The following PDE6C variants were observed in gnomAD, a reference collection of about 807,000 sequenced individuals.
PDE6C encodes cone cGMP-specific 3',5'-cyclic phosphodiesterase subunit alpha'.
Under a neutral mutation model 113.1 loss-of-function variants are expected in PDE6C, and 75 were observed. The ratio of observed to expected loss-of-function variants is 0.66; its 90% CI spans 0.55 to 0.80. The LOEUF (loss-of-function observed/expected upper bound fraction) is 0.80. Ranked by LOEUF, PDE6C falls within the 30% of genes least tolerant of loss-of-function variation. The probability of loss-of-function intolerance (pLI) is 0.00; values close to 1 mark genes in which losing one functional copy is unlikely to be tolerated. For synonymous variants in PDE6C, 375 were observed against 363.7 expected (o/e 1.03, Z -0.35); for missense variants, 912 against 1,038.6 (o/e 0.88, Z 1.67).
chr10:93,658,005 C>CA (rs1352139436), intron 16 of PDE6C, among the ~76,000 whole-genome samples: 2 of 151,044 alleles, frequency 1.3e-5, no homozygotes, highest in Admixed American at 1.3e-4. Context: ...ACTGTCTCTA[C>CA]AAAAAAATTA....
intron 11 of PDE6C, among the ~76,000 whole-genome samples, chr10:93,638,826 G>A (rs2058545972): frequency 6.6e-6 from 1 of 152,218 alleles, no homozygotes; most frequent in African/African-American, 2.4e-5. Context: ...TTTTCTGGGT[G>A]TAGCAACAGT....
intron 6 of PDE6C, 22 bp from the exon 7 acceptor site, chr10:93,626,783 T>A: frequency 6.2e-7 from 1 of 1,613,578 alleles, no homozygotes; most frequent in Non-Finnish European, 8.5e-7. Flanking sequence ...TTGCAATGAT[T>A]TTTTTTCTTC....
intron 4 of PDE6C, among the ~76,000 whole-genome samples, chr10:93,622,638 GGTTTTTTTTTT>G (rs1348226098): frequency 1.3e-4 from 3 of 22,268 alleles, no homozygotes; most frequent in Admixed American, 7.6e-4. Flanking sequence ...GGTAGCCACA[GGTTTTTTTTTT>G]GTTTTTTTTT....
intron 15 of PDE6C, among the ~76,000 whole-genome samples, chr10:93,652,981 T>C (rs2058616330): frequency 6.6e-6 from 1 of 152,170 alleles, no homozygotes; most frequent in African/African-American, 2.4e-5. Flanking sequence ...TTTTCACACA[T>C]TCCTCCCCTC....
chr10:93,625,801 C>T (rs2058470709), intron 5 of PDE6C, 152 bp downstream of exon 5: 5 of 677,570 alleles, frequency 7.4e-6, no homozygotes, highest in Admixed American at 2.1e-5. Flanking sequence ...CCAGCTATGC[C>T]CCAAGCTAGA....
rs142126537 is a variant in PDE6C at position 93,636,333 on chromosome 10, T to C, written c.1414-662T>C. Among the ~76,000 whole-genome samples the C allele has an allele frequency of 2.1e-4, 32 of 150,992 alleles. 1 individual carries two copies. In the East Asian group the frequency reaches 2.7e-3, roughly 13 times the overall value. ...CACAAAATGAAGGGAAAATATCATG[T>C]GCCCACCATCTCTATTTCTTTTATT... On this transcript the variant is annotated intron_variant, in intron 10 of 21. Coordinates refer to ENST00000371447, the MANE Select transcript of PDE6C (RefSeq NM_006204.4).
chr10:93,655,975 C>G (rs961084501), intron 16 of PDE6C, 115 bp downstream of exon 16: 10 of 749,782 alleles, frequency 1.3e-5, no homozygotes, highest in Admixed American at 1.8e-5. Context: ...TACACACACA[C>G]AGACACACAC....
At chr10:93,631,227 G>A (rs891732244) in intron 8 of PDE6C, among the ~76,000 whole-genome samples, 1 of 152,206 alleles carries the variant, frequency 6.6e-6, no homozygotes, top group Non-Finnish European at 1.5e-5. Flanking sequence ...CAGTTCTCTG[G>A]GAAACATCAT....
rs148733477 is a variant in PDE6C, at chr10:93,626,744, T to C, written c.1004+40T>C. On this transcript the variant is annotated intron_variant, in intron 6 of 21. Coordinates refer to ENST00000371447, the MANE Select transcript of PDE6C (RefSeq NM_006204.4). ...GAAGTTGCTGCCGCAGTTGCCGTTG[T>C]ATTTTTGCACATATTGCATTTCTCT... The C allele has an allele frequency of 2.5e-4, 399 of 1,605,166 alleles. 1 individual carries two copies. In the African/African-American group the frequency reaches 4.2e-3, roughly 17 times the overall value.
Position 93,612,616 on chromosome 10 carries a change from C to T in PDE6C, c.-110C>T, listed in dbSNP as rs1054220167. 40 of 1,466,536 alleles carry T rather than the reference C, an allele frequency of 2.7e-5. No homozygotes were observed. The highest frequency in any genetic ancestry group is 8.0e-5 in the South Asian group (7 of 87,468). 90.8% of individuals were successfully genotyped at this position (1,466,536 alleles called of 1,614,324 possible). A position where few individuals can be genotyped will look rare whatever the true frequency, so the allele number is the denominator to read the frequency against. ...TGGAAGTCCTATGAGGGACCATTTA[C>T]GGTTTCCTCAGTAATTTCCACCAGG... On this transcript the variant is annotated 5_prime_UTR_variant, in exon 1 of 22. The change creates a new upstream start codon in the 5' untranslated region. Transcript: ENST00000371447.
intron 18 of PDE6C, among the ~76,000 whole-genome samples, chr10:93,660,710 T>C (rs759617905): frequency 6.6e-6 from 1 of 152,182 alleles, no homozygotes; most frequent in Non-Finnish European, 1.5e-5. Context: ...TGCCTGCTCT[T>C]CTTCCTCTGT....
chr10:93,662,214 C>A, intron 19 of PDE6C, 81 bp downstream of exon 19: 1 of 891,850 alleles, frequency 1.1e-6, no homozygotes. Context: ...CCTGTAATCC[C>A]AGCACTTTGG....
chr10:93,661,881 C>T (rs1165517318), intron 18 of PDE6C, among the ~76,000 whole-genome samples, 178 bp from the exon 19 acceptor site: 1 of 152,128 alleles, frequency 6.6e-6, no homozygotes, highest in Non-Finnish European at 1.5e-5. Flanking sequence ...GAAAAAGCTC[C>T]CCTTTCGCAT....
intron 20 of PDE6C, 65 bp from the exon 21 acceptor site, chr10:93,662,963 C>A: frequency 7.3e-7 from 1 of 1,365,528 alleles, no homozygotes; most frequent in Non-Finnish European, 1.0e-6. Context: ...TCACTCTCTG[C>A]ATATGAAAGA....
intron 16 of PDE6C, among the ~76,000 whole-genome samples, chr10:93,656,465 T>A (rs1242635573): frequency 6.6e-6 from 1 of 152,168 alleles, no homozygotes; most frequent in Non-Finnish European, 1.5e-5. Flanking sequence ...TGAAAATGGG[T>A]TAGAACAAGA....
At chr10:93,645,242 A>C (rs1589701300) in intron 14 of PDE6C, among the ~76,000 whole-genome samples, 1 of 152,192 alleles carries the variant, frequency 6.6e-6, no homozygotes, top group African/African-American at 2.4e-5. Flanking sequence ...TTATTCCCCA[A>C]CTAAAGTATT....
intron 15 of PDE6C, among the ~76,000 whole-genome samples, chr10:93,649,350 A>G (rs2422327): frequency 0.37 from 56,496 of 152,062 alleles, 12,786 homozygotes; most frequent in Non-Finnish European, 0.49. Flanking sequence ...CAAAAGTTAC[A>G]TAAGCCCACT....
At chr10:93,638,384 C>G (rs1367744893) in intron 11 of PDE6C, among the ~76,000 whole-genome samples, 1 of 152,090 alleles carries the variant, frequency 6.6e-6, no homozygotes, top group Non-Finnish European at 1.5e-5. Flanking sequence ...CCCTTTTCTC[C>G]CATTTTGCTT....
chr10:93,645,956 C>T lies in PDE6C; in HGVS notation c.1848-4C>T, dbSNP rs2058582059. 1 of 1,575,864 alleles carries T rather than the reference C, an allele frequency of 6.3e-7. No individual in the cohort carries two copies. Among genetic ancestry groups the T allele is most frequent in the African/African-American group, 1.3e-5 (1 of 74,176 alleles). On this transcript the variant is annotated splice_region_variant and splice_polypyrimidine_tract_variant and intron_variant, in intron 14 of 21. Transcript: ENST00000371447. The stretch of plus-strand genomic sequence containing the variant: ...AGAATCATGGCATGTTGTTTTCCTT[C>T]TAGATCCACGTCTCCATTAGCAAGA...
Sources: gnomAD v4.1 joint callset for allele counts (sites outside exome capture counted in the v4.1 genomes callset) on GRCh38, gnomAD v4.1.1 for gene constraint, MANE v1.5 for transcripts, NCBI Gene and HGNC (gene_info 2026-07-23, HGNC 2026-07-21) for gene names.